The following TJP2 variants were observed in gnomAD, a reference collection of about 807,000 sequenced individuals.
TJP2 encodes tight junction protein 2.
TJP2 carries 91 observed loss-of-function variants against 133.1 expected under a neutral mutation model. That is an observed-to-expected ratio of 0.68 (90% CI 0.58 to 0.81). TJP2 has a LOEUF of 0.81. Among genes scored for constraint, TJP2 ranks in the 40% least tolerant of loss-of-function variants. The probability of loss-of-function intolerance (pLI) is 0.00; values close to 1 mark genes in which losing one functional copy is unlikely to be tolerated. For missense variants in TJP2, 1,541 were observed against 1,565.6 expected (o/e 0.98, Z 0.26); for synonymous variants, 592 against 583.4 (o/e 1.01, Z -0.21).
chr9:69,146,653 G>A (rs546644908), intron 1 of TJP2, among the ~76,000 whole-genome samples: 1 of 152,172 alleles, frequency 6.6e-6, no homozygotes, highest in African/African-American at 2.4e-5. Context: ...TACTAGAATC[G>A]TTTAGGTCAG....
At chr9:69,122,557 C>A (rs1822194034) in intron 1 of TJP2, among the ~76,000 whole-genome samples, 1 of 152,126 alleles carries the variant, frequency 6.6e-6, no homozygotes, top group East Asian at 1.9e-4. Flanking sequence ...TGTAAGTTTC[C>A]CAGGGCTGCA....
At chr9:69,199,627 A>G (rs2133113268) in intron 1 of TJP2, among the ~76,000 whole-genome samples, 1 of 152,306 alleles carries the variant, frequency 6.6e-6, no homozygotes, top group East Asian at 1.9e-4. Context: ...TGTCCTCCCG[A>G]AGTTTCACAT....
At chr9:69,212,435 G>T in intron 1 of TJP2, 113 bp from the exon 2 acceptor site, 1 of 786,330 alleles carries the variant, frequency 1.3e-6, no homozygotes, top group African/African-American at 1.7e-5. Context: ...ACTCTTTTTT[G>T]GTATAGAAAG....
chr9:69,199,685 C>G (rs1236383444), intron 1 of TJP2, among the ~76,000 whole-genome samples: 4 of 152,194 alleles, frequency 2.6e-5, no homozygotes, highest in African/African-American at 9.7e-5. Flanking sequence ...TTTAGTGCTC[C>G]CTCTGTCTTA....
intron 2 of TJP2, among the ~76,000 whole-genome samples, chr9:69,157,066 C>CA (rs553338827): frequency 3.5e-4 from 54 of 152,312 alleles, no homozygotes; most frequent in African/African-American, 1.3e-3. Context: ...GTCCAACCCC[C>CA]ACTTCCCTTC....
intron 1 of TJP2, among the ~76,000 whole-genome samples, chr9:69,193,560 A>G (rs1826349707): frequency 1.3e-5 from 2 of 148,474 alleles, no homozygotes; most frequent in African/African-American, 5.0e-5. Flanking sequence ...CCGTGTCACC[A>G]ATGGACTAAG....
intron 1 of TJP2, among the ~76,000 whole-genome samples, chr9:69,177,800 G>A (rs962796351): frequency 7.9e-5 from 12 of 151,898 alleles, no homozygotes; most frequent in Admixed American, 5.3e-4. Flanking sequence ...GTGAGCCACC[G>A]TGCCCGGCCA....
At chr9:69,185,803 G>A (rs1293074007) in intron 1 of TJP2, among the ~76,000 whole-genome samples, 3 of 151,352 alleles carry the variant, frequency 2.0e-5, no homozygotes, top group Non-Finnish European at 4.4e-5. Flanking sequence ...AGGGAACACT[G>A]TAGTCTACCA....
intron 2 of TJP2, 51 bp from the exon 3 acceptor site, chr9:69,216,288 T>G: frequency 6.2e-7 from 1 of 1,611,678 alleles, no homozygotes; most frequent in Non-Finnish European, 8.5e-7. Context: ...TAATAAATCC[T>G]GAAAGCCACT....
intron 10 of TJP2, 90 bp downstream of exon 10, chr9:69,229,340 G>C: frequency 7.4e-7 from 1 of 1,353,348 alleles, no homozygotes; most frequent in Non-Finnish European, 1.1e-6. Flanking sequence ...TTTTTGCCTA[G>C]ATGGTGATTT....
intron 1 of TJP2, among the ~76,000 whole-genome samples, chr9:69,183,357 A>G (rs933740248): frequency 1.3e-5 from 2 of 152,184 alleles, no homozygotes; most frequent in Non-Finnish European, 2.9e-5. Context: ...CCTACCTAAA[A>G]GAGAACTTCT....
At position 69,221,168 on chromosome 9, in the gene TJP2, C is replaced by G. The variant is rs770550759; in HGVS notation, c.624C>G (p.Asp208Glu). The stretch of plus-strand genomic sequence containing the variant: ...GCCTGGAGCGGGGCCTGGACCAAGA[C>G]CATGCGCGCACCCGAGACCGCAGCC... Reference protein sequence around the residue: ...GRSLERGLDQDHARTRDRSRG... With the variant: ...GRSLERGLDQEHARTRDRSRG... Residue 208 changes from aspartate to glutamate, a missense_variant, in exon 5 of 23, where the codon GAC becomes GAG. By Grantham distance (45) the Asp-to-Glu change is conservative. Transcript: ENST00000377245. 1.9e-6 allele frequency: 3 copies of G among 1,597,114 alleles called. No individual in the cohort carries two copies. Among genetic ancestry groups the G allele is most frequent in the Non-Finnish European group, 2.6e-6 (3 of 1,171,610 alleles).
At chr9:69,252,225 G>C (rs950518514) in intron 21 of TJP2, among the ~76,000 whole-genome samples, 1 of 152,044 alleles carries the variant, frequency 6.6e-6, no homozygotes, top group Non-Finnish European at 1.5e-5. Flanking sequence ...GAACTCCTGG[G>C]CTCAAGCAAT....
rs1390855824 is a variant in TJP2 at position 69,212,536 on chromosome 9, C to T, written c.61-12C>T. 1 of 1,609,300 alleles carries T rather than the reference C, an allele frequency of 6.2e-7. No individual in the cohort carries two copies. The highest frequency in any genetic ancestry group is 1.3e-5 in the African/African-American group (1 of 74,796). ...TGGTTTTCATCAGATTGGTTTTGTT[C>T]TTTTAAAACAGGCCCCAGGCATGGA... On this transcript the variant is annotated splice_polypyrimidine_tract_variant and intron_variant, in intron 1 of 22. Transcript: ENST00000377245.
At chr9:69,185,786 C>G (rs1396096533) in intron 1 of TJP2, among the ~76,000 whole-genome samples, 1 of 151,868 alleles carries the variant, frequency 6.6e-6, no homozygotes, top group African/African-American at 2.4e-5. Flanking sequence ...CCTCAAATCT[C>G]TCGCGGAGGG....
At chr9:69,205,224 G>A in intron 1 of TJP2, 1 of 1,537,264 alleles carries the variant, frequency 6.5e-7, no homozygotes, top group South Asian at 1.2e-5. Context: ...TGAGGAGATG[G>A]AAAGGCCGTG....
chr9:69,152,817 C>CCT (rs1823541793), intron 2 of TJP2, among the ~76,000 whole-genome samples: 1 of 47,996 alleles, frequency 2.1e-5, no homozygotes, highest in Admixed American at 3.3e-4. Context: ...CTCTGGAGCT[C>CCT]TTTTTTTTTT....
Position 69,199,625 on chromosome 9 carries a change from C to T in TJP2, c.61-12923C>T, listed in dbSNP as rs553316346. Among the ~76,000 whole-genome samples the T allele has an allele frequency of 6.6e-5, 10 of 152,276 alleles. No individual in the cohort carries two copies. In the South Asian group the frequency reaches 1.7e-3, roughly 25 times the overall value. The stretch of plus-strand genomic sequence containing the variant: ...GCCCATTTATTGGATGGTGTCCTCC[C>T]GAAGTTTCACATCTGCTGTTTGGAG... On this transcript the variant is annotated intron_variant, in intron 1 of 22. Transcript: ENST00000377245.
intron 19 of TJP2, chr9:69,249,136 T>G (rs1588156850): frequency 7.5e-7 from 1 of 1,326,972 alleles, no homozygotes; most frequent in African/African-American, 1.5e-5. Context: ...TTTTAGACTT[T>G]TGGAGGGTTC....
Sources: gnomAD v4.1 joint callset for allele counts (sites outside exome capture counted in the v4.1 genomes callset) on GRCh38, gnomAD v4.1.1 for gene constraint, MANE v1.5 for transcripts, NCBI Gene and HGNC (gene_info 2026-07-23, HGNC 2026-07-21) for gene names.